CDKAL1: variants seen among roughly 807,000 people sequenced by gnomAD.
The protein encoded by CDKAL1 is CDKAL1 threonylcarbamoyladenosine tRNA methylthiotransferase, also known as threonylcarbamoyladenosine tRNA methylthiotransferase.
In CDKAL1, 32 loss-of-function variants were observed where a neutral mutation model predicts 68.2. That is an observed-to-expected ratio of 0.47 (90% CI 0.35 to 0.63). The LOEUF (loss-of-function observed/expected upper bound fraction) is 0.63. Ranked by LOEUF, CDKAL1 falls within the 30% of genes least tolerant of loss-of-function variation. The probability of loss-of-function intolerance (pLI) is 0.00; values close to 1 mark genes in which losing one functional copy is unlikely to be tolerated. For missense variants in CDKAL1, 606 were observed against 696.7 expected (o/e 0.87, Z 1.47); for synonymous variants, 234 against 244.3 (o/e 0.96, Z 0.39).
At chr6:21,003,492 G>A (rs1767566588) in intron 11 of CDKAL1, among the ~76,000 whole-genome samples, 1 of 150,292 alleles carries the variant, frequency 6.7e-6, no homozygotes, top group Non-Finnish European at 1.5e-5. Flanking sequence ...CTTGAACTCG[G>A]GAGGCAAAAG....
chr6:20,538,057 C>T (rs1033476707), intron 2 of CDKAL1, among the ~76,000 whole-genome samples: 9 of 152,106 alleles, frequency 5.9e-5, no homozygotes, highest in Admixed American at 3.3e-4. Flanking sequence ...ATTGCTGGCT[C>T]GAAGGATATA....
chr6:21,041,653 C>G (rs559218881), intron 11 of CDKAL1, among the ~76,000 whole-genome samples: 1 of 143,342 alleles, frequency 7.0e-6, no homozygotes, highest in East Asian at 2.0e-4. Flanking sequence ...TGCTTTCTTA[C>G]ACAACATATA....
At chr6:20,737,961 C>T (rs1201367966) in intron 5 of CDKAL1, among the ~76,000 whole-genome samples, 3 of 152,296 alleles carry the variant, frequency 2.0e-5, no homozygotes, top group Middle Eastern at 3.4e-3. Context: ...TTTTTGTTGG[C>T]ATCTAGTTCT....
rs541332789 is a variant in CDKAL1, at chr6:20,844,424, T to G, written c.639-1651T>G. 3.3e-5 allele frequency among the ~76,000 whole-genome samples: 5 copies of G among 152,314 alleles called. No individual in the cohort carries two copies. The South Asian group carries it at 1.0e-3, about 32-fold the overall frequency. ...AAGAACTTGGAGTTTGAAATCTCACTGTCCTGGATTTGAATCTCAGCTGTT... is the reference window on the plus strand; with the variant it reads ...AAGAACTTGGAGTTTGAAATCTCACGGTCCTGGATTTGAATCTCAGCTGTT... On this transcript the variant is annotated intron_variant, in intron 8 of 15. Transcript: ENST00000274695.
At chr6:20,799,592 A>T (rs1420864947) in intron 8 of CDKAL1, among the ~76,000 whole-genome samples, 1 of 152,202 alleles carries the variant, frequency 6.6e-6, no homozygotes, top group Non-Finnish European at 1.5e-5. Context: ...CCATTAGAGG[A>T]AATACTCTTT....
intron 8 of CDKAL1, among the ~76,000 whole-genome samples, chr6:20,798,786 A>G (rs1776225191): frequency 7.5e-6 from 1 of 133,516 alleles, no homozygotes; most frequent in African/African-American, 2.8e-5. Context: ...GGGGGGAGGG[A>G]TAGCATTAGG....
chr6:20,698,641 A>C (rs1013649174), intron 5 of CDKAL1, among the ~76,000 whole-genome samples: 2 of 152,028 alleles, frequency 1.3e-5, no homozygotes, highest in Admixed American at 6.6e-5. Flanking sequence ...CTTTTGGGGG[A>C]AGGCCACGGT....
At chr6:20,953,375 C>G (rs1342034006) in intron 9 of CDKAL1, among the ~76,000 whole-genome samples, 1 of 152,156 alleles carries the variant, frequency 6.6e-6, no homozygotes, top group Non-Finnish European at 1.5e-5. Context: ...CTACATAAGG[C>G]ATAACATGGA....
At chr6:21,003,371 T>TATATATATATATATATGTACAC in intron 11 of CDKAL1, among the ~76,000 whole-genome samples, 1 of 49,312 alleles carries the variant, frequency 2.0e-5, no homozygotes, top group Non-Finnish European at 3.4e-5. Flanking sequence ...TATATATATA[T>TATATATATATATATATGTACAC]ACACACACAC....
intron 10 of CDKAL1, among the ~76,000 whole-genome samples, chr6:20,980,546 G>A (rs545484606): frequency 1.3e-5 from 2 of 152,110 alleles, no homozygotes; most frequent in Non-Finnish European, 2.9e-5. Context: ...ATATTTTTAA[G>A]AGAAACATTT....
intron 9 of CDKAL1, among the ~76,000 whole-genome samples, chr6:20,935,860 C>T (rs1763681953): frequency 6.6e-6 from 1 of 152,152 alleles, no homozygotes; most frequent in Admixed American, 6.5e-5. Flanking sequence ...ATATGGATTC[C>T]TCTTCTGCTC....
At chr6:20,742,285 CT>C (rs932944668) in intron 6 of CDKAL1, among the ~76,000 whole-genome samples, 2 of 152,046 alleles carry the variant, frequency 1.3e-5, no homozygotes, top group Non-Finnish European at 2.9e-5. Flanking sequence ...TTGAGAGTTT[CT>C]TTTGCTGTTT....
chr6:21,006,196 A>G (rs981974533), intron 11 of CDKAL1, among the ~76,000 whole-genome samples: 12 of 152,276 alleles, frequency 7.9e-5, no homozygotes, highest in Non-Finnish European at 1.5e-4. Flanking sequence ...TGATAAAGCT[A>G]TGTTACATTA....
Position 20,617,631 on chromosome 6 carries a change from T to C in CDKAL1, c.287-31662T>C, listed in dbSNP as rs183994332. On this transcript the variant is annotated intron_variant, in intron 4 of 15. Coordinates refer to ENST00000274695, the MANE Select transcript of CDKAL1 (RefSeq NM_017774.3). ...CCCACCCTATGTCTGAGTGTTCTTA[T>C]TGTTCAATTCCCACCTGTGAGTGAG... Among the ~76,000 whole-genome samples, 10 of 152,250 alleles carry C rather than the reference T, an allele frequency of 6.6e-5. No homozygotes were observed. The East Asian group carries it at 1.9e-3, about 30-fold the overall frequency.
At chr6:20,960,265 C>T (rs1287675920) in intron 10 of CDKAL1, among the ~76,000 whole-genome samples, 1 of 152,148 alleles carries the variant, frequency 6.6e-6, no homozygotes, top group Non-Finnish European at 1.5e-5. Context: ...TACAAACATA[C>T]ACCACTGTGC....
At chr6:20,886,978 A>G (rs1159709172) in intron 9 of CDKAL1, among the ~76,000 whole-genome samples, 3 of 152,256 alleles carry the variant, frequency 2.0e-5, no homozygotes, top group Admixed American at 2.0e-4. Context: ...TTACAGCTCA[A>G]TAATGAAGAC....
At chr6:21,012,020 T>C (rs1007024147) in intron 11 of CDKAL1, among the ~76,000 whole-genome samples, 2 of 152,200 alleles carry the variant, frequency 1.3e-5, no homozygotes, top group Admixed American at 1.3e-4. Flanking sequence ...CTCCAGCATG[T>C]CAGAGATGTA....
In CDKAL1 at chr6:21,230,902, G is replaced by A. The variant is rs752169064; in HGVS notation, c.1603G>A (p.Ala535Thr). 3.1e-6 allele frequency: 5 copies of A among 1,613,706 alleles called. No individual in the cohort carries two copies. The highest frequency in any genetic ancestry group is 1.7e-5 in the Admixed American group (1 of 59,994). Residue 535 changes from alanine to threonine, a missense_variant, in exon 16 of 16, where the codon GCA becomes ACA. Ala to Thr is a moderately conservative substitution (Grantham distance 58). Coordinates refer to ENST00000274695, the MANE Select transcript of CDKAL1 (RefSeq NM_017774.3). ...GAGTTCAGGATCCCACACCTCTGCT[G>A]CATCTCAGTGTGACTCAGCGAGTTC... ...QLSSGSHTSA[A>T]SQCDSASSRM... is the part of the protein sequence containing the mutation.
At chr6:20,800,416 G>A (rs993839336) in intron 8 of CDKAL1, among the ~76,000 whole-genome samples, 3 of 152,154 alleles carry the variant, frequency 2.0e-5, no homozygotes, top group African/African-American at 7.2e-5. Context: ...AAGCAAATAA[G>A]TGAATCCCTG....
Sources: gnomAD v4.1 joint callset for allele counts (sites outside exome capture counted in the v4.1 genomes callset) on GRCh38, gnomAD v4.1.1 for gene constraint, MANE v1.5 for transcripts, NCBI Gene and HGNC (gene_info 2026-07-23, HGNC 2026-07-21) for gene names.